GLRB: variants seen among roughly 807,000 people sequenced by gnomAD.
GLRB encodes the protein glycine receptor beta.
A neutral mutation model predicts 54.2 loss-of-function variants in GLRB; 33 were observed. The ratio of observed to expected loss-of-function variants is 0.61; its 90% CI spans 0.46 to 0.81. The LOEUF (loss-of-function observed/expected upper bound fraction) is 0.81. Among genes scored for constraint, GLRB ranks in the 40% least tolerant of loss-of-function variants. The probability of loss-of-function intolerance (pLI) is 0.00; values close to 1 mark genes in which losing one functional copy is unlikely to be tolerated. For synonymous variants in GLRB, 209 were observed against 208.2 expected, an observed-to-expected ratio of 1.00 and a Z score of -0.03; for missense variants, 572 against 584.6, an observed-to-expected ratio of 0.98 and a Z score of 0.22.
intron 2 of GLRB, among the ~76,000 whole-genome samples, chr4:157,080,893 TAAC>T (rs1360831688): frequency 1.3e-5 from 2 of 152,144 alleles, no homozygotes; most frequent in African/African-American, 2.4e-5. Flanking sequence ...TTTACTGTTA[TAAC>T]AACATTTCCC....
intron 2 of GLRB, among the ~76,000 whole-genome samples, chr4:157,107,618 A>C (rs1439467082): frequency 6.6e-6 from 1 of 152,110 alleles, no homozygotes; most frequent in African/African-American, 2.4e-5. Context: ...CTGCAGAAGA[A>C]AATTTGGAAG....
chr4:157,090,692 C>A (rs530732387), intron 2 of GLRB, among the ~76,000 whole-genome samples: 14 of 152,132 alleles, frequency 9.2e-5, no homozygotes, highest in Admixed American at 5.2e-4. Flanking sequence ...GTTCTTTTGT[C>A]CAATTGTGAT....
rs191926541 is a variant in GLRB at position 157,136,252 on chromosome 4, C to T, written c.298-217C>T. 4.8e-5 allele frequency: 26 copies of T among 536,958 alleles called. 1 individual carries two copies. The highest frequency in any genetic ancestry group is 3.6e-4 in the Admixed American group (11 of 30,274). The allele number at this position is 536,958 out of a possible 1,614,324, so 33.3% of individuals were successfully genotyped here. A position where few individuals can be genotyped will look rare whatever the true frequency, so the allele number is the denominator to read the frequency against. On this transcript the variant is annotated intron_variant, in intron 4 of 9. Transcript: ENST00000264428. ...CTGATGTTTGAGCTAGCAAGTGCTA[C>T]GGAATGTCTGCAGAGAGTAATTACA...
intron 4 of GLRB, among the ~76,000 whole-genome samples, chr4:157,131,012 C>T (rs554253677): frequency 1.5e-4 from 22 of 150,348 alleles, no homozygotes; most frequent in Non-Finnish European, 2.7e-4. Flanking sequence ...TATACAGAGA[C>T]GTATAGGCAT....
At chr4:157,138,765 A>G (rs1157275671) in intron 6 of GLRB, 44 bp from the exon 7 acceptor site, 2 of 941,680 alleles carry the variant, frequency 2.1e-6, no homozygotes, top group Non-Finnish European at 3.4e-6. Flanking sequence ...AAAAAGCATT[A>G]TTAATTATAT....
At position 157,170,662 on chromosome 4, in the gene GLRB, T is replaced by A. The variant is rs763395384; in HGVS notation, c.1428T>A (p.Tyr476Ter). 3.1e-6 allele frequency: 5 copies of A among 1,608,662 alleles called. No individual in the cohort carries two copies. The highest frequency in any genetic ancestry group is 1.7e-5 in the Admixed American group (1 of 59,654). The change falls in exon 10 of 10, where the codon TAT becomes TAA. Residue 476 changes from tyrosine (Y) to a stop codon, truncating the protein, a stop_gained. Coordinates refer to ENST00000264428, the MANE Select transcript of GLRB (RefSeq NM_000824.5). LOFTEE classifies it high-confidence loss of function. The part of the protein sequence containing the change: ...IPTAAKRIDL[Y>*]ARALFPFCFL... Reference sequence around the variant, plus strand: ...CAGCAGCAAAGCGAATTGATCTTTATGCAAGAGCATTGTTTCCTTTCTGCT... The same window carrying A: ...CAGCAGCAAAGCGAATTGATCTTTAAGCAAGAGCATTGTTTCCTTTCTGCT...
intron 2 of GLRB, among the ~76,000 whole-genome samples, chr4:157,114,352 T>G (rs1448649164): frequency 6.6e-6 from 1 of 151,738 alleles, no homozygotes; most frequent in Non-Finnish European, 1.5e-5. Context: ...TTTTTTTTTT[T>G]TCAAATAAAC....
chr4:157,110,494 TA>T (rs1228515546), intron 2 of GLRB, among the ~76,000 whole-genome samples: 1 of 152,082 alleles, frequency 6.6e-6, no homozygotes. Context: ...TGCTTCACTT[TA>T]AAATTTTCTC....
intron 2 of GLRB, chr4:157,084,690 C>T (rs923507624): frequency 1.1e-5 from 5 of 455,978 alleles, no homozygotes; most frequent in African/African-American, 1.0e-4. Flanking sequence ...TGAATGACAG[C>T]ATTTTCATAC....
intron 2 of GLRB, among the ~76,000 whole-genome samples, chr4:157,087,494 G>T (rs888966247): frequency 6.6e-6 from 1 of 151,944 alleles, no homozygotes; most frequent in Non-Finnish European, 1.5e-5. Flanking sequence ...TTTTGTTTAC[G>T]ATTGCTTTGG....
chr4:157,128,084 A>G (rs1051296938), intron 4 of GLRB, among the ~76,000 whole-genome samples: 1 of 151,894 alleles, frequency 6.6e-6, no homozygotes, highest in African/African-American at 2.4e-5. Flanking sequence ...AACTTTTTCC[A>G]TATATGAAAA....
intron 2 of GLRB, among the ~76,000 whole-genome samples, chr4:157,085,841 C>T (rs916036629): frequency 6.6e-6 from 1 of 152,174 alleles, no homozygotes; most frequent in East Asian, 1.9e-4. Flanking sequence ...CTTACAATAT[C>T]GTACTACCAG....
chr4:157,115,174 A>G (rs1467234087), intron 2 of GLRB, among the ~76,000 whole-genome samples: 1 of 151,226 alleles, frequency 6.6e-6, no homozygotes, highest in African/African-American at 2.4e-5. Context: ...TTGTTGCTCA[A>G]ATCATTGCAG....
rs1339180773 is a variant in GLRB, at chr4:157,171,420, T to A, written c.*692T>A. 1 of 152,326 alleles carries A rather than the reference T, an allele frequency of 6.6e-6. No homozygotes were observed. Among genetic ancestry groups the A allele is most frequent in the Admixed American group, 6.6e-5 (1 of 15,236 alleles). The allele number at this position is 152,326 out of a possible 1,614,324, so 9.4% of individuals were successfully genotyped here. On this transcript the variant is annotated 3_prime_UTR_variant, in exon 10 of 10. Transcript: ENST00000264428. ...TCTGACAAAATAAAAAAAGATACCT[T>A]ATTGACGAAATATTTAGGATAAACA... is the stretch of plus-strand genomic sequence containing the variant.
Position 157,171,870 on chromosome 4 carries a change from A to T in GLRB, c.*1142A>T, listed in dbSNP as rs1200919407. ...ATTTACTTACTTTGAACTTGTTCCA[A>T]TCCAAAAGTAAGCACTAAGTCTCAT... On this transcript the variant is annotated 3_prime_UTR_variant, in exon 10 of 10. Transcript: ENST00000264428. The T allele has an allele frequency of 6.6e-6, 1 of 151,926 alleles. No individual in the cohort carries two copies. Among genetic ancestry groups the T allele is most frequent in the African/African-American group, 2.4e-5 (1 of 41,532 alleles). 9.4% of individuals were successfully genotyped at this position (151,926 alleles called of 1,614,324 possible). A position where few individuals can be genotyped will look rare whatever the true frequency, so the allele number is the denominator to read the frequency against.
chr4:157,115,529 C>T (rs762581017), intron 2 of GLRB, among the ~76,000 whole-genome samples: 1 of 151,710 alleles, frequency 6.6e-6, no homozygotes, highest in South Asian at 2.1e-4. Context: ...CTTGCTGTGT[C>T]TGAAAAGCAG....
chr4:157,132,329 G>A (rs1431867998), intron 4 of GLRB, among the ~76,000 whole-genome samples: 1 of 151,596 alleles, frequency 6.6e-6, no homozygotes, highest in Non-Finnish European at 1.5e-5. Context: ...CCTTTCCACT[G>A]TCTCTTGCTT....
chr4:157,103,298 C>T (rs984318337), intron 2 of GLRB, among the ~76,000 whole-genome samples: 7 of 152,242 alleles, frequency 4.6e-5, no homozygotes, highest in Middle Eastern at 3.4e-3. Flanking sequence ...ATCAGTCTCT[C>T]GTCCAATCAC....
At chr4:157,166,432 T>C (rs2126631480) in intron 9 of GLRB, among the ~76,000 whole-genome samples, 1 of 152,190 alleles carries the variant, frequency 6.6e-6, no homozygotes, top group Non-Finnish European at 1.5e-5. Flanking sequence ...ATATATTTGA[T>C]ATGATAATAA....
Sources: allele counts gnomAD v4.1 joint callset (sites outside exome capture counted in the v4.1 genomes callset), GRCh38; gene constraint gnomAD v4.1.1; transcripts MANE v1.5; gene names NCBI Gene and HGNC (gene_info 2026-07-23, HGNC 2026-07-21).